Variants in UMAD1 observed in about 807,000 individuals in gnomAD.
The protein encoded by UMAD1 is UBAP1-MVB12-associated (UMA) domain containing 1.
Under a neutral mutation model 6.1 loss-of-function variants are expected in UMAD1, and 8 were observed. The ratio of observed to expected loss-of-function variants is 1.30; its 90% CI spans 0.76 to 2.35. The LOEUF (loss-of-function observed/expected upper bound fraction) is 2.35. UMAD1 is among the 30% of genes most tolerant of loss of function. The probability of loss-of-function intolerance (pLI) is 0.00; values close to 1 mark genes in which losing one functional copy is unlikely to be tolerated. For synonymous variants in UMAD1, 56 were observed against 31.4 expected (o/e 1.78, Z -2.61); for missense variants, 130 against 78.4 (o/e 1.66, Z -2.49).
intron 3 of UMAD1, among the ~76,000 whole-genome samples, chr7:7,818,292 G>A (rs1222618764): frequency 6.6e-6 from 1 of 152,104 alleles, no homozygotes; most frequent in Non-Finnish European, 1.5e-5. Context: ...CTCCATCCAT[G>A]TCCCTGCAAA....
At chr7:7,716,667 C>T (rs1780912724) in intron 2 of UMAD1, among the ~76,000 whole-genome samples, 1 of 152,218 alleles carries the variant, frequency 6.6e-6, no homozygotes, top group East Asian at 1.9e-4. Context: ...GCCGGCGCGG[C>T]CGGCGCGGTG....
At position 7,830,504 on chromosome 7, in the gene UMAD1, T is replaced by G. The variant is rs1281508338; in HGVS notation, c.156+28761T>G. 1.3e-5 allele frequency among the ~76,000 whole-genome samples: 2 copies of G among 152,150 alleles called. No homozygotes were observed. Among genetic ancestry groups the G allele is most frequent in the African/African-American group, 4.8e-5 (2 of 41,436 alleles). ...TTTGTATCTTTCTCTTTCTTTTCCC[T>G]TTTTCGTTTCTTTTCTTTCTTTTAA... On this transcript the variant is annotated intron_variant, in intron 3 of 3. Coordinates refer to ENST00000682710, the MANE Select transcript of UMAD1 (RefSeq NM_001302348.2). The surrounding 1 kb of genome is among the most constrained non-coding windows in gnomAD (Gnocchi z 5.3).
At chr7:7,837,420 T>C (rs1370150539) in intron 3 of UMAD1, among the ~76,000 whole-genome samples, 1 of 152,132 alleles carries the variant, frequency 6.6e-6, no homozygotes, top group Non-Finnish European at 1.5e-5. Flanking sequence ...CTAAAATTGA[T>C]TGGTGAAACA....
intron 2 of UMAD1, among the ~76,000 whole-genome samples, chr7:7,746,140 C>T (rs116241269): frequency 0.013 from 2,043 of 152,282 alleles, 17 homozygotes; most frequent in Middle Eastern, 0.058. Flanking sequence ...TAGTTGCTCT[C>T]GTGGTTTGCA....
intron 2 of UMAD1, among the ~76,000 whole-genome samples, chr7:7,675,699 C>T (rs1055302328): frequency 6.6e-6 from 1 of 152,186 alleles, no homozygotes; most frequent in Non-Finnish European, 1.5e-5. Context: ...CTTGGACTAG[C>T]ATAATTGGTG....
chr7:7,768,835 A>T lies in UMAD1; in HGVS notation c.83-32835A>T, dbSNP rs1254881015. On this transcript the variant is annotated intron_variant, in intron 2 of 3. Coordinates refer to ENST00000682710, the MANE Select transcript of UMAD1 (RefSeq NM_001302348.2). ...TTTTGTACTTTCTCTTCTTCCCCAG[A>T]CAGTAAGCGTCTTATGTTATTCATC... Among the ~76,000 whole-genome samples the T allele has an allele frequency of 3.3e-5, 5 of 152,288 alleles. No individual in the cohort carries two copies. In the South Asian group the frequency reaches 1.0e-3, roughly 32 times the overall value.
intron 2 of UMAD1, among the ~76,000 whole-genome samples, chr7:7,759,731 A>T (rs957103176): frequency 1.3e-5 from 2 of 152,152 alleles, no homozygotes; most frequent in African/African-American, 4.8e-5. Flanking sequence ...TGACAATTAG[A>T]CATGCTTGTA....
At chr7:7,755,650 A>G (rs990977668) in intron 2 of UMAD1, among the ~76,000 whole-genome samples, 2 of 152,250 alleles carry the variant, frequency 1.3e-5, no homozygotes, top group African/African-American at 4.8e-5. Flanking sequence ...AATGGTTTCC[A>G]AGTGCATTAA....
chr7:7,789,230 A>G (rs1782517004), intron 2 of UMAD1, among the ~76,000 whole-genome samples: 1 of 152,200 alleles, frequency 6.6e-6, no homozygotes, highest in Non-Finnish European at 1.5e-5. Context: ...GTAGCCAGGT[A>G]GTAAGGCTTT....
intron 1 of UMAD1, among the ~76,000 whole-genome samples, chr7:7,662,132 G>A (rs551132972): frequency 1.3e-5 from 2 of 152,232 alleles, no homozygotes; most frequent in South Asian, 4.1e-4. Flanking sequence ...GCCCACTCAA[G>A]CCTCAGTAAT....
chr7:7,761,363 T>TAAAAACAAAAAAAAA, intron 2 of UMAD1, among the ~76,000 whole-genome samples: 1 of 121,152 alleles, frequency 8.3e-6, no homozygotes, highest in South Asian at 2.6e-4. Flanking sequence ...GAGACCTAAC[T>TAAAAACAAAAAAAAA]AAAAAAAAAA....
intron 1 of UMAD1, among the ~76,000 whole-genome samples, chr7:7,650,346 C>T (rs1785196956): frequency 6.6e-6 from 1 of 152,124 alleles, no homozygotes; most frequent in South Asian, 2.1e-4. Flanking sequence ...GTGTTTATTT[C>T]ATTCGAGTTC....
chr7:7,868,291 G>C (rs1250415912), intron 3 of UMAD1: 2 of 152,124 alleles, frequency 1.3e-5, no homozygotes, highest in Non-Finnish European at 2.9e-5. Context: ...CTTTCCTGAA[G>C]TGCTTCTCTT....
At chr7:7,735,740 G>C (rs1781346441) in intron 2 of UMAD1, 3 of 152,236 alleles carry the variant, frequency 2.0e-5, no homozygotes, top group African/African-American at 7.2e-5. Context: ...AATTTCTTCA[G>C]AGTTAATTTC....
chr7:7,682,083 T>C (rs1250444326), intron 2 of UMAD1, among the ~76,000 whole-genome samples: 1 of 152,160 alleles, frequency 6.6e-6, no homozygotes, highest in Non-Finnish European at 1.5e-5. Context: ...CAAACACTAT[T>C]GTAGAGATTA....
chr7:7,835,723 CA>C (rs143060139), intron 3 of UMAD1, among the ~76,000 whole-genome samples: 2,143 of 151,956 alleles, frequency 0.014, 29 homozygotes, highest in Middle Eastern at 0.055. Flanking sequence ...AAAACAATTA[CA>C]TTTACTGAAA....
At chr7:7,778,043 G>A (rs982582699) in intron 2 of UMAD1, among the ~76,000 whole-genome samples, 7 of 152,062 alleles carry the variant, frequency 4.6e-5, no homozygotes, top group East Asian at 1.9e-4. Context: ...CTTCTTATTC[G>A]CTATCAGTGT....
chr7:7,774,829 T>G (rs1782170023), intron 2 of UMAD1, among the ~76,000 whole-genome samples: 1 of 152,198 alleles, frequency 6.6e-6, no homozygotes, highest in Admixed American at 6.5e-5. Flanking sequence ...CCAGGAAGGT[T>G]GAGCAAAGCC....
intron 2 of UMAD1, among the ~76,000 whole-genome samples, chr7:7,709,300 A>G (rs1234292931): frequency 1.3e-5 from 2 of 152,192 alleles, no homozygotes; most frequent in Non-Finnish European, 1.5e-5. Context: ...CTTTGTAAAT[A>G]TGAACATTAG....
Sources: gnomAD v4.1 joint callset for allele counts (sites outside exome capture counted in the v4.1 genomes callset) on GRCh38, gnomAD v4.1.1 for gene constraint, Gnocchi (gnomAD v3.1) non-coding constraint, MANE v1.5 for transcripts, NCBI Gene and HGNC (gene_info 2026-07-23, HGNC 2026-07-21) for gene names.